Variants in CDH22 observed in about 807,000 individuals in gnomAD.
CDH22 encodes the protein cadherin 22.
A neutral mutation model predicts 58.4 loss-of-function variants in CDH22; 30 were observed. The observed-to-expected ratio is 0.51, with a 90% CI of 0.38 to 0.70. The LOEUF is 0.70. CDH22 is among the 30% of genes least tolerant of loss of function. The probability of loss-of-function intolerance (pLI) is 0.00; values close to 1 mark genes in which losing one functional copy is unlikely to be tolerated. For synonymous variants in CDH22, 513 were observed against 558.2 expected (o/e 0.92, Z 1.14); for missense variants, 1,014 against 1,233.9 (o/e 0.82, Z 2.67).
In CDH22 at chr20:46,254,567, A is replaced by C. The variant is rs1011777923; in HGVS notation, c.-399-2874T>G. 6.8e-4 allele frequency among the ~76,000 whole-genome samples: 103 copies of C among 152,020 alleles called. 1 individual carries two copies. Among genetic ancestry groups the C allele is most frequent in the African/African-American group, 2.3e-3 (94 of 41,456 alleles). Reference sequence around the variant, plus strand: ...GAAATTCCATCTCAAAAAAAAAAAAAAAAAAAAAATTGAAGTCCTGGCCCT... The same window carrying C: ...GAAATTCCATCTCAAAAAAAAAAAACAAAAAAAAATTGAAGTCCTGGCCCT... On this transcript the variant is annotated intron_variant, in intron 1 of 11. Transcript: ENST00000537909.
Position 46,186,811 on chromosome 20 carries a change from C to G in CDH22, c.1545+15G>C, listed in dbSNP as rs181299065. The G allele has an allele frequency of 9.8e-5, 157 of 1,597,716 alleles. 1 individual carries two copies. The African/African-American group carries it at 1.6e-3, about 17-fold the overall frequency. Reference sequence around the variant, plus strand: ...TCCTGGAAGCAACGCCCAGTCCCCACCCCCTCAGGGGTACCTGGCCTGGCT... The same window carrying G: ...TCCTGGAAGCAACGCCCAGTCCCCAGCCCCTCAGGGGTACCTGGCCTGGCT... On this transcript the variant is annotated intron_variant, in intron 9 of 11. Transcript: ENST00000537909.
chr20:46,284,070 G>A (rs948501756), intron 1 of CDH22, among the ~76,000 whole-genome samples: 13 of 152,076 alleles, frequency 8.5e-5, no homozygotes, highest in African/African-American at 3.1e-4. Context: ...AGGGGAGCTC[G>A]TTAAGTAAGA....
At chr20:46,249,157 A>G (rs992504673) in intron 2 of CDH22, among the ~76,000 whole-genome samples, 6 of 152,176 alleles carry the variant, frequency 3.9e-5, no homozygotes, top group Admixed American at 1.3e-4. Context: ...TAACTTGTTC[A>G]AGGTCACTCA....
In CDH22 at chr20:46,300,121, G is replaced by T. The variant is rs561864040; in HGVS notation, c.-400+8134C>A. ...GTTTCCCTTCTGTATCAAGGACTTG[G>T]ACTCGTCAGTCCCTAAAGGCCCTTT... On this transcript the variant is annotated intron_variant, in intron 1 of 11. Transcript: ENST00000537909. The surrounding 1 kb of genome is among the most constrained non-coding windows in gnomAD (Gnocchi z 4.4). Among the ~76,000 whole-genome samples the T allele has an allele frequency of 3.3e-5, 5 of 152,200 alleles. No individual in the cohort carries two copies. In the South Asian group the frequency reaches 1.0e-3, roughly 32 times the overall value.
rs2085913489 is a variant in CDH22, at chr20:46,197,350, G to A, written c.1423+2073C>T. On this transcript the variant is annotated intron_variant, in intron 8 of 11. Coordinates refer to ENST00000537909, the MANE Select transcript of CDH22 (RefSeq NM_021248.3). ...AAGCAAAAATTGTAAAATGTTTGTG[G>A]AGGAGTACCCCTCCCCCGATTCTGT... 4.0e-5 allele frequency among the ~76,000 whole-genome samples: 6 copies of A among 150,716 alleles called. No homozygotes were observed. In the Admixed American group the frequency reaches 4.0e-4, roughly 10 times the overall value.
intron 1 of CDH22, among the ~76,000 whole-genome samples, chr20:46,294,693 C>T (rs890783481): frequency 6.6e-5 from 10 of 152,176 alleles, no homozygotes; most frequent in Non-Finnish European, 1.3e-4. Flanking sequence ...TCCCCCCAAC[C>T]TCTGCTGGGG....
rs544416897 is a variant in CDH22, at chr20:46,269,146, C to T, written c.-399-17453G>A. On this transcript the variant is annotated intron_variant, in intron 1 of 11. Transcript: ENST00000537909. Reference sequence around the variant, plus strand: ...CTGGCTGCTAACTCTCTTCTGCAAACTGATCTTTCATGGTTTGCCACCACA... The same window carrying T: ...CTGGCTGCTAACTCTCTTCTGCAAATTGATCTTTCATGGTTTGCCACCACA... Among the ~76,000 whole-genome samples the T allele has an allele frequency of 5.3e-5, 8 of 152,360 alleles. 1 individual carries two copies. The highest frequency in any genetic ancestry group is 1.9e-4 in the African/African-American group (8 of 41,584).
chr20:46,229,332 G>A (rs936692433), intron 3 of CDH22, among the ~76,000 whole-genome samples: 1 of 150,952 alleles, frequency 6.6e-6, no homozygotes, highest in African/African-American at 2.4e-5. Context: ...AGTCAGACAG[G>A]GGAAAAGATT....
rs1568651543 is a variant in CDH22, at chr20:46,186,677, C to G, written c.1574G>C (p.Arg525Thr). 6.2e-7 allele frequency: 1 copy of G among 1,613,940 alleles called. No homozygotes were observed. The highest frequency in any genetic ancestry group is 8.5e-7 in the Non-Finnish European group (1 of 1,179,970). The change falls in exon 10 of 12, where the codon AGA (arginine) becomes ACA (threonine). Residue 525 changes from arginine (R) to threonine (T), a missense_variant. Physicochemically the swap from Arg to Thr is moderately conservative, Grantham distance 71. Around this residue, in one of 2 missense-constraint regions of CDH22, gnomAD observed 806 missense variants for 1,038.7 expected, o/e 0.78. Transcript: ENST00000537909. ...QLIQTISVVD[R>T]DEPQGGHRFY... ...GCGGTGCCCGCCTTGGGGCTCGTCT[C>G]TGTCCACCACGCTGATGGTCTGGAT...
At chr20:46,227,734 C>A in intron 3 of CDH22, 107 bp from the exon 4 acceptor site, 2 of 1,468,716 alleles carry the variant, frequency 1.4e-6, no homozygotes, top group South Asian at 1.3e-5. Context: ...CTCGGGAGAC[C>A]TGCGGGAGGC....
intron 1 of CDH22, among the ~76,000 whole-genome samples, chr20:46,293,187 GC>G (rs1217808940): frequency 9.2e-5 from 14 of 152,154 alleles, no homozygotes; most frequent in South Asian, 2.1e-4. Flanking sequence ...TCTGAAGACT[GC>G]CCCCATCCCC....
At chr20:46,184,185 G>A (rs997003552) in intron 10 of CDH22, among the ~76,000 whole-genome samples, 1 of 151,000 alleles carries the variant, frequency 6.6e-6, no homozygotes, top group African/African-American at 2.4e-5. Flanking sequence ...TGCAACCTCC[G>A]CCTCCTGGGT....
chr20:46,178,459 C>T (rs1451588597), intron 10 of CDH22, among the ~76,000 whole-genome samples: 1 of 152,098 alleles, frequency 6.6e-6, no homozygotes, highest in Non-Finnish European at 1.5e-5. Flanking sequence ...GCCCACAATT[C>T]TGTCCTCAAA....
chr20:46,195,908 C>T lies in CDH22; in HGVS notation c.1423+3515G>A, dbSNP rs896709689. Reference sequence around the variant, plus strand: ...AACATTCTCCGAGGTGCTCACCAAGCGCCGCCGCTGTGTATAAATATTTCC... The same window carrying T: ...AACATTCTCCGAGGTGCTCACCAAGTGCCGCCGCTGTGTATAAATATTTCC... On this transcript the variant is annotated intron_variant, in intron 8 of 11. Coordinates refer to ENST00000537909, the MANE Select transcript of CDH22 (RefSeq NM_021248.3). 2.6e-4 allele frequency among the ~76,000 whole-genome samples: 39 copies of T among 152,276 alleles called. 1 individual carries two copies. Among genetic ancestry groups the T allele is most frequent in the Non-Finnish European group, 8.8e-5 (6 of 68,020 alleles).
At position 46,300,135 on chromosome 20, in the gene CDH22, T is replaced by TA; in HGVS notation, c.-400+8119dup. Among the ~76,000 whole-genome samples the TA allele has an allele frequency of 6.6e-6, 1 of 152,272 alleles. No individual in the cohort carries two copies. The highest frequency in any genetic ancestry group is 1.9e-4 in the East Asian group (1 of 5,188). On this transcript the variant is annotated intron_variant, in intron 1 of 11. Transcript: ENST00000537909. This position sits in a 1 kb window ranked among gnomAD's most constrained non-coding sequence, Gnocchi z 4.4. ...TCAAGGACTTGGACTCGTCAGTCCC[T>TA]AAAGGCCCTTTCAACTCCAAAATGC...
In CDH22 at chr20:46,251,333, G is replaced by T. The variant is rs1230490282; in HGVS notation, c.-39C>A. 3 of 1,417,818 alleles carry T rather than the reference G, an allele frequency of 2.1e-6. No homozygotes were observed. The highest frequency in any genetic ancestry group is 1.5e-5 in the African/African-American group (1 of 65,972). 87.8% of individuals were successfully genotyped at this position (1,417,818 alleles called of 1,614,324 possible). On this transcript the variant is annotated 5_prime_UTR_variant, in exon 2 of 12. Coordinates refer to ENST00000537909, the MANE Select transcript of CDH22 (RefSeq NM_021248.3). The surrounding 1 kb of genome is among the most constrained non-coding windows in gnomAD (Gnocchi z 6.7). Reference sequence around the variant, plus strand: ...GGGGCTGGGGCCCAGGAGCATGGACGAGAGGCACCAGGGCGCCGCTGCTTG... The same window carrying T: ...GGGGCTGGGGCCCAGGAGCATGGACTAGAGGCACCAGGGCGCCGCTGCTTG...
At position 46,251,215 on chromosome 20, in the gene CDH22, G is replaced by GGCAGCAGCAGCA; in HGVS notation, c.68_79dup (p.Leu23_Leu26dup). On this transcript the variant is annotated inframe_insertion, in exon 2 of 12. Coordinates refer to ENST00000537909, the MANE Select transcript of CDH22 (RefSeq NM_021248.3). The surrounding 1 kb of genome is among the most constrained non-coding windows in gnomAD (Gnocchi z 6.7). ...GCGCCCCAGCAGCGTCGGCGGCGGC[G>GGCAGCAGCAGCA]GCAGCAGCAGCAGCAGCAGTAGCGC... 1 of 1,433,980 alleles carries GGCAGCAGCAGCA rather than the reference G, an allele frequency of 7.0e-7. No homozygotes were observed. Among genetic ancestry groups the GGCAGCAGCAGCA allele is most frequent in the East Asian group, 3.0e-5 (1 of 32,880 alleles). 88.8% of individuals were successfully genotyped at this position (1,433,980 alleles called of 1,614,324 possible).
intron 3 of CDH22, among the ~76,000 whole-genome samples, chr20:46,240,353 G>A (rs184785352): frequency 2.6e-4 from 40 of 152,256 alleles, no homozygotes; most frequent in African/African-American, 8.9e-4. Flanking sequence ...GTGTGAGGTC[G>A]TGGGTCTGAG....
At chr20:46,289,562 G>A (rs1041552227) in intron 1 of CDH22, among the ~76,000 whole-genome samples, 2 of 152,154 alleles carry the variant, frequency 1.3e-5, no homozygotes, top group South Asian at 2.1e-4. Context: ...AGCAGACAGC[G>A]GGAAGCCACT....
Sources: gnomAD v4.1 joint callset for allele counts (sites outside exome capture counted in the v4.1 genomes callset) on GRCh38, gnomAD v4.1.1 for gene constraint, gnomAD v4.1.1 regional missense constraint, Gnocchi (gnomAD v3.1) non-coding constraint, MANE v1.5 for transcripts, NCBI Gene and HGNC (gene_info 2026-07-23, HGNC 2026-07-21) for gene names.